DLGAP2: variants seen among roughly 807,000 people sequenced by gnomAD.
The protein encoded by DLGAP2 is DLG associated protein 2.
In DLGAP2, 26 loss-of-function variants were observed where a neutral mutation model predicts 100.3. The ratio of observed to expected loss-of-function variants is 0.26; its 90% CI spans 0.19 to 0.36. The LOEUF (loss-of-function observed/expected upper bound fraction) is 0.36. Among genes scored for constraint, DLGAP2 ranks in the 10% least tolerant of loss-of-function variants. DLGAP2 has a pLI of 1.00. For missense variants in DLGAP2, 1,858 were observed against 1,453.2 expected (o/e 1.28, Z -4.53); for synonymous variants, 886 against 630.1 (o/e 1.41, Z -6.08).
At chr8:1,283,064 C>G (rs926907949) in intron 3 of DLGAP2, among the ~76,000 whole-genome samples, 20 of 147,804 alleles carry the variant, frequency 1.4e-4, no homozygotes, top group Non-Finnish European at 2.8e-4. Flanking sequence ...TGACCTGAAC[C>G]CAGCACGTGA....
chr8:1,606,231 T>C (rs1796794369), intron 6 of DLGAP2, among the ~76,000 whole-genome samples: 2 of 152,200 alleles, frequency 1.3e-5, no homozygotes, highest in African/African-American at 4.8e-5. Flanking sequence ...AATAGAGTGC[T>C]CTTCGTATCT....
intron 2 of DLGAP2, among the ~76,000 whole-genome samples, chr8:978,652 G>A (rs1300390436): frequency 6.6e-6 from 1 of 151,368 alleles, no homozygotes; most frequent in South Asian, 2.1e-4. Context: ...GTGAGAGGGT[G>A]GGTTCTGGTC....
intron 2 of DLGAP2, among the ~76,000 whole-genome samples, chr8:1,094,582 C>T (rs1294283158): frequency 2.6e-5 from 4 of 152,174 alleles, no homozygotes; most frequent in South Asian, 2.1e-4. Context: ...GTTTCTATGG[C>T]GACAGCGACG....
intron 2 of DLGAP2, among the ~76,000 whole-genome samples, chr8:1,093,624 G>C (rs568137167): frequency 4.0e-5 from 6 of 151,158 alleles, no homozygotes; most frequent in Non-Finnish European, 7.4e-5. Flanking sequence ...CACACCGACA[G>C]CCAGACAGAA....
intron 3 of DLGAP2, among the ~76,000 whole-genome samples, chr8:1,266,520 G>C (rs994562036): frequency 6.6e-6 from 1 of 152,106 alleles, no homozygotes; most frequent in Non-Finnish European, 1.5e-5. Context: ...CATATTATTT[G>C]CTTCCTTAAA....
chr8:966,517 A>G (rs1198641770), intron 2 of DLGAP2, among the ~76,000 whole-genome samples: 1 of 152,238 alleles, frequency 6.6e-6, no homozygotes, highest in East Asian at 1.9e-4. Flanking sequence ...GAATGCTTTC[A>G]TATCTTTTTT....
chr8:1,242,387 C>T (rs1798816038), intron 2 of DLGAP2, among the ~76,000 whole-genome samples: 1 of 152,214 alleles, frequency 6.6e-6, no homozygotes, highest in Admixed American at 6.5e-5. Flanking sequence ...ATGGGCAAGG[C>T]CCCACATCAC....
At chr8:935,373 A>T (rs555144517) in intron 2 of DLGAP2, among the ~76,000 whole-genome samples, 21 of 152,330 alleles carry the variant, frequency 1.4e-4, no homozygotes, top group African/African-American at 4.8e-4. Context: ...GTCCATGTAA[A>T]GCATTTTACA....
At chr8:1,493,334 C>A (rs955025570) in intron 3 of DLGAP2, among the ~76,000 whole-genome samples, 1 of 151,914 alleles carries the variant, frequency 6.6e-6, no homozygotes, top group Non-Finnish European at 1.5e-5. Flanking sequence ...TTCAGACACG[C>A]CTCTGTGGAC....
At chr8:1,501,949 GAGCTGCCACCAGCACAGCAA>G (rs1799738365) in intron 4 of DLGAP2, among the ~76,000 whole-genome samples, 1 of 152,190 alleles carries the variant, frequency 6.6e-6, no homozygotes, top group South Asian at 2.1e-4. Flanking sequence ...TTTCATTTCT[GAGCTGCCACCAGCACAGCAA>G]AGCTGGTGCC....
intron 3 of DLGAP2, among the ~76,000 whole-genome samples, chr8:1,489,132 C>A (rs1036052582): frequency 1.3e-5 from 2 of 152,212 alleles, no homozygotes; most frequent in African/African-American, 4.8e-5. Context: ...AATATGTCCT[C>A]CTCTGTGTTA....
At chr8:1,513,332 C>T (rs1259163424) in intron 4 of DLGAP2, among the ~76,000 whole-genome samples, 1 of 151,622 alleles carries the variant, frequency 6.6e-6, no homozygotes, top group Non-Finnish European at 1.5e-5. Context: ...GGAGAGGCCA[C>T]AGGCCAGCTC....
chr8:1,438,723 G>T (rs909535573), intron 3 of DLGAP2, among the ~76,000 whole-genome samples: 1 of 152,172 alleles, frequency 6.6e-6, no homozygotes, highest in Admixed American at 6.5e-5. Flanking sequence ...AATCACTTCC[G>T]CATGCACAGA....
At chr8:967,858 A>C (rs1325078969) in intron 2 of DLGAP2, among the ~76,000 whole-genome samples, 3 of 79,566 alleles carry the variant, frequency 3.8e-5, no homozygotes, top group Non-Finnish European at 7.2e-5. Context: ...ATATATATAT[A>C]TATATATATA....
intron 1 of DLGAP2, among the ~76,000 whole-genome samples, chr8:896,749 C>T (rs570752864): frequency 5.1e-4 from 77 of 152,228 alleles, no homozygotes; most frequent in African/African-American, 1.5e-3. Context: ...GTCACCTCCG[C>T]GCTGGACCTG....
intron 2 of DLGAP2, among the ~76,000 whole-genome samples, chr8:1,131,267 T>G (rs1181440055): frequency 1.3e-5 from 2 of 152,124 alleles, no homozygotes; most frequent in African/African-American, 4.8e-5. Flanking sequence ...AGTGACTGGC[T>G]TAGTCACCCA....
intron 3 of DLGAP2, among the ~76,000 whole-genome samples, chr8:1,408,536 C>G (rs866001975): frequency 6.6e-6 from 1 of 152,232 alleles, no homozygotes; most frequent in Non-Finnish European, 1.5e-5. Flanking sequence ...CTGCTCTCCA[C>G]TGGGACTCCA....
chr8:1,193,961 G>A (rs924608807), intron 2 of DLGAP2, among the ~76,000 whole-genome samples: 1 of 152,172 alleles, frequency 6.6e-6, no homozygotes, highest in African/African-American at 2.4e-5. Flanking sequence ...TTTGCTGAGA[G>A]CTTGACGGGA....
intron 2 of DLGAP2, among the ~76,000 whole-genome samples, chr8:1,078,945 G>A (rs1277445974): frequency 3.3e-5 from 5 of 152,218 alleles, no homozygotes; most frequent in Non-Finnish European, 7.3e-5. Flanking sequence ...GGATTGTCTA[G>A]TAGAAGTATG....
Sources: gnomAD v4.1 joint callset for allele counts (sites outside exome capture counted in the v4.1 genomes callset) on GRCh38, gnomAD v4.1.1 for gene constraint, MANE v1.5 for transcripts, NCBI Gene and HGNC (gene_info 2026-07-23, HGNC 2026-07-21) for gene names.